The following EPB41L5 variants were observed in gnomAD, a reference collection of about 807,000 sequenced individuals.
The protein encoded by EPB41L5 is erythrocyte membrane protein band 4.1 like 5.
In EPB41L5, 55 loss-of-function variants were observed where a neutral mutation model predicts 106.6. The observed-to-expected ratio is 0.52, with a 90% confidence interval of 0.42 to 0.65. The LOEUF is 0.65. EPB41L5 is among the 30% of genes least tolerant of loss of function. EPB41L5 has a pLI of 0.00. For missense variants in EPB41L5, 871 were observed against 882.1 expected, an observed-to-expected ratio of 0.99 and a Z score of 0.16; for synonymous variants, 297 against 306.7, an observed-to-expected ratio of 0.97 and a Z score of 0.33.
At chr2:120,081,144 T>G (rs1682628525) in intron 10 of EPB41L5, among the ~76,000 whole-genome samples, 1 of 152,248 alleles carries the variant, frequency 6.6e-6, no homozygotes, top group Non-Finnish European at 1.5e-5. Context: ...TGGCTTTTGT[T>G]GCCATTGCTT....
At chr2:120,131,318 G>A (rs2459787) in intron 17 of EPB41L5, among the ~76,000 whole-genome samples, 152,154 of 152,310 alleles carry the variant, frequency 1, 75,999 homozygotes, top group Non-Finnish European at 1. Context: ...GTGCCTTTTG[G>A]GTCTCTTGGC....
intron 16 of EPB41L5, among the ~76,000 whole-genome samples, chr2:120,123,819 C>T (rs769244108): frequency 4.6e-5 from 7 of 151,538 alleles, no homozygotes; most frequent in East Asian, 1.9e-4. Flanking sequence ...CACCATGCCC[C>T]GCTAATTTTT....
chr2:120,042,446 G>A (rs1434452856), intron 3 of EPB41L5, among the ~76,000 whole-genome samples: 1 of 152,184 alleles, frequency 6.6e-6, no homozygotes, highest in Non-Finnish European at 1.5e-5. Context: ...TAGAATGGGA[G>A]TTTCATGGGC....
At position 120,075,484 on chromosome 2, in the gene EPB41L5, T is replaced by C. The variant is rs1682165712; in HGVS notation, c.416T>C (p.Phe139Ser). The C allele has an allele frequency of 6.3e-7, 1 of 1,581,116 alleles. No individual in the cohort carries two copies. Among genetic ancestry groups the C allele is most frequent in the South Asian group, 1.1e-5 (1 of 89,428 alleles). ...CCTTTCATTTTTCTTAGGTATTTAT[T>C]TGTTCTTCAGTTAAAACAAGATATT... ...NLREELTRYL[F>S]VLQLKQDILS... The change falls in exon 6 of 25, where the codon TTT (phenylalanine) becomes TCT (serine). Residue 139 changes from phenylalanine to serine, a missense_variant. Phe to Ser is a radical substitution (Grantham distance 155). Coordinates refer to ENST00000263713, the MANE Select transcript of EPB41L5 (RefSeq NM_020909.4).
chr2:120,080,148 G>A (rs1682542735), intron 10 of EPB41L5, among the ~76,000 whole-genome samples: 1 of 150,096 alleles, frequency 6.7e-6, no homozygotes, highest in Admixed American at 6.6e-5. Context: ...TAGGGTACAT[G>A]TGCAAAGTGT....
chr2:120,042,249 C>T, intron 3 of EPB41L5, 139 bp downstream of exon 3: 1 of 543,370 alleles, frequency 1.8e-6, no homozygotes, highest in South Asian at 2.9e-5. Flanking sequence ...CTCCCCCCAC[C>T]TCCTTGCTTT....
At chr2:120,021,868 G>A (rs1249350492) in intron 2 of EPB41L5, among the ~76,000 whole-genome samples, 1 of 152,114 alleles carries the variant, frequency 6.6e-6, no homozygotes, top group African/African-American at 2.4e-5. Context: ...AGAAGATTTA[G>A]AATTGATTTT....
rs1682184306 is a variant in EPB41L5, at chr2:120,075,717, GA to G, written c.470del (p.Asp157ValfsTer65). On this transcript the variant is annotated frameshift_variant, in exon 7 of 25. Coordinates refer to ENST00000263713, the MANE Select transcript of EPB41L5 (RefSeq NM_020909.4). LOFTEE classifies it high-confidence loss of function. ...TGGTCTCAGATTAGACTGTCCCTTT[GA>G]TACAGCAGTGCAATTGGCAGCTTAT... ...ILSGKLDCPF[D>X]TAVQLAAYNL... 6.2e-7 allele frequency: 1 copy of G among 1,613,614 alleles called. No individual in the cohort carries two copies. Among genetic ancestry groups the G allele is most frequent in the Non-Finnish European group, 8.5e-7 (1 of 1,179,724 alleles).
rs1686258981 is a variant in EPB41L5 at position 120,143,150 on chromosome 2, A to G, written c.1728+19A>G. The G allele has an allele frequency of 8.4e-6, 13 of 1,555,806 alleles. No individual in the cohort carries two copies. The highest frequency in any genetic ancestry group is 1.1e-5 in the Non-Finnish European group (13 of 1,156,674). On this transcript the variant is annotated intron_variant, in intron 19 of 24. Coordinates refer to ENST00000263713, the MANE Select transcript of EPB41L5 (RefSeq NM_020909.4). The stretch of plus-strand genomic sequence containing the variant: ...GCATAAGGTAAGCTGCCTTTGATAG[A>G]TAGCCCTGGTGAAGTGAAATGAGCA...
chr2:120,085,463 T>C (rs1240390772), intron 10 of EPB41L5, among the ~76,000 whole-genome samples: 1 of 152,146 alleles, frequency 6.6e-6, no homozygotes, highest in African/African-American at 2.4e-5. Flanking sequence ...TGATTGTTCC[T>C]CTTGAAGCTT....
intron 16 of EPB41L5, among the ~76,000 whole-genome samples, chr2:120,124,555 T>G (rs1685373924): frequency 6.6e-6 from 1 of 152,222 alleles, no homozygotes; most frequent in Admixed American, 6.5e-5. Flanking sequence ...TATGTACTTT[T>G]GCATGAATCT....
rs971154961 is a variant in EPB41L5 at position 120,053,417 on chromosome 2, A to G, written c.285+11307A>G. Among the ~76,000 whole-genome samples the G allele has an allele frequency of 2.6e-5, 4 of 152,330 alleles. No individual in the cohort carries two copies. In the East Asian group the frequency reaches 5.8e-4, roughly 22 times the overall value. ...ACAATTCAGAGTTTTCAGTATATTT[A>G]GAATTGTTCAGCCATCATCACTAAT... On this transcript the variant is annotated intron_variant, in intron 3 of 24. Coordinates refer to ENST00000263713, the MANE Select transcript of EPB41L5 (RefSeq NM_020909.4).
At chr2:120,024,665 T>TA (rs1248847827) in intron 2 of EPB41L5, among the ~76,000 whole-genome samples, 1 of 152,158 alleles carries the variant, frequency 6.6e-6, no homozygotes, top group East Asian at 1.9e-4. Flanking sequence ...TTCACCGTGT[T>TA]ACCCAGGATG....
chr2:120,033,050 A>G (rs1234337652), intron 2 of EPB41L5, among the ~76,000 whole-genome samples: 3 of 152,242 alleles, frequency 2.0e-5, no homozygotes, highest in African/African-American at 7.2e-5. Context: ...AGAATGGGAC[A>G]GAACCAATTG....
intron 16 of EPB41L5, among the ~76,000 whole-genome samples, chr2:120,113,709 T>C (rs1044491536): frequency 1.3e-5 from 2 of 152,214 alleles, no homozygotes; most frequent in Non-Finnish European, 2.9e-5. Flanking sequence ...CTAATTTACT[T>C]TGTGTTTCTA....
chr2:120,106,681 C>G, intron 16 of EPB41L5: 1 of 985,296 alleles, frequency 1.0e-6, no homozygotes, highest in Non-Finnish European at 1.2e-6. Flanking sequence ...AGGTTGGTTA[C>G]ATTTTGACTG....
Position 120,047,516 on chromosome 2 carries a change from C to G in EPB41L5, c.285+5406C>G, listed in dbSNP as rs190900015. On this transcript the variant is annotated intron_variant, in intron 3 of 24. Transcript: ENST00000263713. ...TGATTTTTGCACATTGATTTTGTAT[C>G]CTGAGACTTTGCTGAAGTTCCTTAT... Among the ~76,000 whole-genome samples, 1,329 of 151,928 alleles carry G rather than the reference C, an allele frequency of 8.7e-3. 15 individuals are homozygous for G. The highest frequency in any genetic ancestry group is 0.015 in the South Asian group (71 of 4,800).
intron 16 of EPB41L5, among the ~76,000 whole-genome samples, chr2:120,125,975 G>C (rs563284302): frequency 3.3e-5 from 5 of 152,074 alleles, no homozygotes; most frequent in Non-Finnish European, 5.9e-5. Context: ...TTGGTTTGTA[G>C]ATGCATCACC....
At chr2:120,145,877 C>G (rs189857198) in intron 19 of EPB41L5, among the ~76,000 whole-genome samples, 60 of 151,926 alleles carry the variant, frequency 3.9e-4, no homozygotes, top group African/African-American at 1.4e-3. Flanking sequence ...ACCTGGGAGG[C>G]AGAGGTTGCA....
Sources: allele counts gnomAD v4.1 joint callset (sites outside exome capture counted in the v4.1 genomes callset), GRCh38; gene constraint gnomAD v4.1.1; transcripts MANE v1.5; gene names NCBI Gene and HGNC (gene_info 2026-07-23, HGNC 2026-07-21).